Variants in SLC9A9 observed in about 807,000 individuals in gnomAD.
SLC9A9 encodes solute carrier family 9 member A9, also known as sodium/hydrogen exchanger 9.
Under a neutral mutation model 77.8 loss-of-function variants are expected in SLC9A9, and 62 were observed. That is an observed-to-expected ratio of 0.80 (90% CI 0.65 to 0.98). The LOEUF is 0.98. SLC9A9 is among the 50% of genes least tolerant of loss of function. The pLI is 0.00. For synonymous variants in SLC9A9, 320 were observed against 283.5 expected (o/e 1.13, Z -1.29); for missense variants, 775 against 774.9 (o/e 1.00, Z 0.00).
chr3:143,745,711 C>T (rs1184138840), intron 4 of SLC9A9, among the ~76,000 whole-genome samples: 2 of 152,138 alleles, frequency 1.3e-5, no homozygotes, highest in Admixed American at 6.6e-5. Flanking sequence ...CCAAAGTTTA[C>T]ATCTATTGTG....
intron 12 of SLC9A9, among the ~76,000 whole-genome samples, chr3:143,388,637 A>G (rs899164263): frequency 1.5e-4 from 23 of 152,194 alleles, no homozygotes; most frequent in Non-Finnish European, 1.8e-4. Flanking sequence ...TGCTGTTATT[A>G]TAAGAGAAAT....
At chr3:143,495,481 T>C in intron 9 of SLC9A9, 33 bp from the exon 10 acceptor site, 1 of 1,526,804 alleles carries the variant, frequency 6.5e-7, no homozygotes, top group Non-Finnish European at 9.1e-7. Flanking sequence ...AAACCATTAA[T>C]TATAACTCAG....
chr3:143,486,641 G>A (rs1435996694), intron 11 of SLC9A9, among the ~76,000 whole-genome samples: 1 of 152,010 alleles, frequency 6.6e-6, no homozygotes, highest in Non-Finnish European at 1.5e-5. Flanking sequence ...CAGCCAAAAG[G>A]GGTGGGGACA....
chr3:143,300,440 T>A (rs1369764502), intron 14 of SLC9A9, among the ~76,000 whole-genome samples: 1 of 152,216 alleles, frequency 6.6e-6, no homozygotes, highest in Non-Finnish European at 1.5e-5. Flanking sequence ...ATGTATAAAC[T>A]TTTTTAGGGG....
intron 14 of SLC9A9, among the ~76,000 whole-genome samples, chr3:143,336,493 G>A (rs1214409128): frequency 6.6e-6 from 1 of 152,144 alleles, no homozygotes; most frequent in Non-Finnish European, 1.5e-5. Flanking sequence ...AAGCCCATAT[G>A]CTCATCAGTG....
intron 9 of SLC9A9, among the ~76,000 whole-genome samples, chr3:143,526,731 T>C (rs2036412934): frequency 2.0e-5 from 3 of 152,182 alleles, no homozygotes; most frequent in Admixed American, 2.0e-4. Context: ...TCAAAAACAA[T>C]TTTTGTTCCT....
chr3:143,564,521 T>C (rs138473341), intron 8 of SLC9A9, among the ~76,000 whole-genome samples: 21 of 152,300 alleles, frequency 1.4e-4, no homozygotes, highest in Middle Eastern at 6.8e-3. Context: ...TTATTTATTT[T>C]TGATCTAGTA....
chr3:143,317,784 G>T (rs566545783), intron 14 of SLC9A9, among the ~76,000 whole-genome samples: 1 of 152,158 alleles, frequency 6.6e-6, no homozygotes, highest in Non-Finnish European at 1.5e-5. Flanking sequence ...CTGGAGTGCA[G>T]TGGAGTGATC....
chr3:143,317,632 G>C (rs1243785694), intron 14 of SLC9A9, among the ~76,000 whole-genome samples: 1 of 151,914 alleles, frequency 6.6e-6, no homozygotes, highest in Non-Finnish European at 1.5e-5. Context: ...AAAGAAAGCA[G>C]TGTCTGTCTA....
intron 5 of SLC9A9, among the ~76,000 whole-genome samples, chr3:143,660,750 G>C (rs2038965843): frequency 6.6e-6 from 1 of 152,202 alleles, no homozygotes; most frequent in South Asian, 2.1e-4. Flanking sequence ...GTTAATGAGT[G>C]GAGATGTGGC....
At chr3:143,779,563 G>C (rs536781477) in intron 4 of SLC9A9, among the ~76,000 whole-genome samples, 427 of 152,242 alleles carry the variant, frequency 2.8e-3, no homozygotes, top group Non-Finnish European at 4.6e-3. Flanking sequence ...TACAGTCGGG[G>C]TTTCACCATG....
At chr3:143,527,813 A>G (rs2036430362) in intron 9 of SLC9A9, among the ~76,000 whole-genome samples, 1 of 152,176 alleles carries the variant, frequency 6.6e-6, no homozygotes, top group African/African-American at 2.4e-5. Context: ...CACAGAGAAG[A>G]CTGCTTTGCA....
At chr3:143,683,324 C>T (rs1576657070) in intron 5 of SLC9A9, among the ~76,000 whole-genome samples, 1 of 152,106 alleles carries the variant, frequency 6.6e-6, no homozygotes, top group East Asian at 1.9e-4. Flanking sequence ...CTAACTTTCA[C>T]TTACAGAAAT....
chr3:143,276,410 G>A (rs1377209100), intron 14 of SLC9A9, among the ~76,000 whole-genome samples: 1 of 152,174 alleles, frequency 6.6e-6, no homozygotes, highest in Non-Finnish European at 1.5e-5. Context: ...TGCTGTAAAT[G>A]TGTCTCTGGG....
In SLC9A9 at chr3:143,512,982, A is replaced by T. The variant is rs551155655; in HGVS notation, c.1090-17534T>A. The stretch of plus-strand genomic sequence containing the variant: ...CAATCACCTGAGCCTTCAGTGAATC[A>T]TAATCTTTTTCCTAGTGGAGGGTCT... On this transcript the variant is annotated intron_variant, in intron 9 of 15. Transcript: ENST00000316549. Among the ~76,000 whole-genome samples, 101 of 152,370 alleles carry T rather than the reference A, an allele frequency of 6.6e-4. 5 individuals carry two copies. The South Asian group carries it at 0.02, about 31-fold the overall frequency.
At chr3:143,681,756 TG>T (rs1454826265) in intron 5 of SLC9A9, among the ~76,000 whole-genome samples, 2 of 152,234 alleles carry the variant, frequency 1.3e-5, no homozygotes, top group African/African-American at 4.8e-5. Context: ...TATCTTTCTT[TG>T]TCAGCTTTTT....
At chr3:143,360,208 A>G (rs1359940049) in intron 14 of SLC9A9, among the ~76,000 whole-genome samples, 1 of 152,222 alleles carries the variant, frequency 6.6e-6, no homozygotes, top group Non-Finnish European at 1.5e-5. Flanking sequence ...TGTTTCCTCC[A>G]CATCAAAGAG....
At chr3:143,665,582 A>C (rs2039052159) in intron 5 of SLC9A9, among the ~76,000 whole-genome samples, 1 of 152,184 alleles carries the variant, frequency 6.6e-6, no homozygotes, top group Non-Finnish European at 1.5e-5. Flanking sequence ...TTGATAGATC[A>C]CTAGCAAGAC....
intron 14 of SLC9A9, among the ~76,000 whole-genome samples, chr3:143,314,062 C>CCT (rs2031119137): frequency 6.6e-6 from 1 of 152,182 alleles, no homozygotes; most frequent in Admixed American, 6.5e-5. Flanking sequence ...CCACCTGCAT[C>CCT]CTACTTAACT....
Sources: gnomAD v4.1 joint callset for allele counts (sites outside exome capture counted in the v4.1 genomes callset) on GRCh38, gnomAD v4.1.1 for gene constraint, MANE v1.5 for transcripts, NCBI Gene and HGNC (gene_info 2026-07-23, HGNC 2026-07-21) for gene names.